NLRP11: variants seen among roughly 807,000 people sequenced by gnomAD.
NLRP11 encodes the protein NLR family pyrin domain containing 11.
A neutral mutation model predicts 79.3 loss-of-function variants in NLRP11; 53 were observed. The ratio of observed to expected loss-of-function variants is 0.67; its 90% CI spans 0.54 to 0.84. NLRP11 has a LOEUF of 0.84. Among genes scored for constraint, NLRP11 ranks in the 40% least tolerant of loss-of-function variants. The probability of loss-of-function intolerance (pLI) is 0.00; values close to 1 mark genes in which losing one functional copy is unlikely to be tolerated. For synonymous variants in NLRP11, 518 were observed against 462.6 expected, an observed-to-expected ratio of 1.12 and a Z score of -1.54; for missense variants, 1,264 against 1,255.0, an observed-to-expected ratio of 1.01 and a Z score of -0.11.
chr19:55,792,151 T>C, intron 7 of NLRP11, 150 bp downstream of exon 7: 2 of 659,834 alleles, frequency 3.0e-6, no homozygotes, highest in South Asian at 3.8e-5. Flanking sequence ...CTTACCGTGC[T>C]TTCATGTCGC....
chr19:55,796,923 A>G (rs1219612948), intron 5 of NLRP11, among the ~76,000 whole-genome samples: 1 of 152,120 alleles, frequency 6.6e-6, no homozygotes, highest in Non-Finnish European at 1.5e-5. Context: ...TCCCGGCCTC[A>G]GGGGATCCAC....
At chr19:55,802,962 T>C (rs1249448740) in intron 4 of NLRP11, among the ~76,000 whole-genome samples, 4 of 152,206 alleles carry the variant, frequency 2.6e-5, no homozygotes, top group Non-Finnish European at 5.9e-5. Flanking sequence ...TGGCTAGTCA[T>C]ATGCAGAAGA....
chr19:55,821,217 A>T (rs1181231167), intron 1 of NLRP11, among the ~76,000 whole-genome samples: 4 of 99,298 alleles, frequency 4.0e-5, no homozygotes, highest in African/African-American at 3.0e-4. Flanking sequence ...ACACACACAC[A>T]CACACACACA....
chr19:55,834,374 C>A (rs542103939), upstream of NLRP11, among the ~76,000 whole-genome samples: 2 of 152,262 alleles, frequency 1.3e-5, no homozygotes, highest in East Asian at 3.9e-4. Context: ...ACAAATGGCT[C>A]ACAAACATGA....
chr19:55,809,597 A>T lies in NLRP11; in HGVS notation c.1013T>A (p.Val338Asp). 1 of 1,614,106 alleles carries T rather than the reference A, an allele frequency of 6.2e-7. No individual in the cohort carries two copies. Among genetic ancestry groups the T allele is most frequent in the Non-Finnish European group, 8.5e-7 (1 of 1,180,012 alleles). ...ACACGTGATCCAGCATAAGATGGCGACTCGGCACAGACCCACGAGTATTTC... is the reference window on the plus strand; with the variant it reads ...ACACGTGATCCAGCATAAGATGGCGTCTCGGCACAGACCCACGAGTATTTC... The change falls in exon 3 of 10, where the codon GTC becomes GAC. Residue 338 changes from valine (V) to aspartate (D), a missense_variant. Val to Asp is a radical substitution (Grantham distance 152). Coordinates refer to ENST00000589093, the Ensembl canonical transcript of NLRP11. The surrounding 1 kb of genome is among the most constrained non-coding windows in gnomAD (Gnocchi z 4.5).
At chr19:55,827,327 G>A (rs1359063063) in intron 1 of NLRP11, among the ~76,000 whole-genome samples, 1 of 145,262 alleles carries the variant, frequency 6.9e-6, no homozygotes, top group Non-Finnish European at 1.5e-5. Flanking sequence ...AGAAAACCTA[G>A]GCATGACCAT....
At chr19:55,804,978 G>A (rs543969191) in intron 4 of NLRP11, among the ~76,000 whole-genome samples, 2 of 149,750 alleles carry the variant, frequency 1.3e-5, no homozygotes, top group African/African-American at 4.9e-5. Context: ...CAGAAGAATC[G>A]CTTGAACCCT....
chr19:55,831,826 T>C (rs895722473), intron 1 of NLRP11, 137 bp downstream of exon 1: 1 of 151,532 alleles, frequency 6.6e-6, no homozygotes, highest in Admixed American at 6.6e-5. Flanking sequence ...GGCCTGCCCT[T>C]AGGAACTTTA....
rs75379949 is a variant in NLRP11 at position 55,811,401 on chromosome 19, G to A, written c.272-1063C>T. Among the ~76,000 whole-genome samples the A allele has an allele frequency of 2.6e-3, 394 of 152,310 alleles. 4 individuals carry two copies. Among genetic ancestry groups the A allele is most frequent in the African/African-American group, 9.1e-3 (377 of 41,562 alleles). On this transcript the variant is annotated intron_variant, in intron 2 of 9. Transcript: ENST00000589093. The stretch of plus-strand genomic sequence containing the variant: ...TGAAAATGTTTTTATCCCTGGGTAA[G>A]GGCAGGCAAAAGAGGGAGCCTGGCA...
At chr19:55,815,528 CA>C (rs11343133) in intron 2 of NLRP11, among the ~76,000 whole-genome samples, 17,324 of 92,552 alleles carry the variant, frequency 0.19, 911 homozygotes, top group Middle Eastern at 0.24. Context: ...GACTCCATCT[CA>C]AAAAAAAAAA....
intron 2 of NLRP11, among the ~76,000 whole-genome samples, chr19:55,814,543 TAAGAA>T (rs1980902664): frequency 6.6e-6 from 1 of 150,450 alleles, no homozygotes; most frequent in African/African-American, 2.5e-5. Context: ...TTGAGCTAGA[TAAGAA>T]AAGAGAAGTG....
intron 1 of NLRP11, among the ~76,000 whole-genome samples, chr19:55,820,243 G>T (rs140674892): frequency 6.6e-6 from 1 of 152,146 alleles, no homozygotes. Context: ...AAGTCACTGA[G>T]TTTCAGAAGG....
rs1287315396 is a variant in NLRP11, at chr19:55,809,033, A to G, written c.1577T>C (p.Val526Ala). The stretch of plus-strand genomic sequence containing the variant: ...ACGGTCCAAATGTTTCATGTATCCC[A>G]CCGAGTACCACTTGAAGCTGTCTAC... Residue 526 changes from valine to alanine, a missense_variant, in exon 3 of 10, where the codon GTG becomes GCG. By Grantham distance (64) the Val-to-Ala change is moderately conservative. Transcript: ENST00000589093. The surrounding 1 kb of genome is among the most constrained non-coding windows in gnomAD (Gnocchi z 4.5). 6.2e-7 allele frequency: 1 copy of G among 1,613,988 alleles called. No individual in the cohort carries two copies. The highest frequency in any genetic ancestry group is 8.5e-7 in the Non-Finnish European group (1 of 1,180,028).
At chr19:55,821,561 T>C (rs901838194) in intron 1 of NLRP11, among the ~76,000 whole-genome samples, 10 of 152,192 alleles carry the variant, frequency 6.6e-5, no homozygotes, top group African/African-American at 2.4e-4. Context: ...CCTCACAACA[T>C]TGAATGACGT....
rs563240919 is a variant in NLRP11 at position 55,812,182 on chromosome 19, A to T, written c.272-1844T>A. On this transcript the variant is annotated intron_variant, in intron 2 of 9. Transcript: ENST00000589093. The stretch of plus-strand genomic sequence containing the variant: ...ACCCAGCTTTTGGAATTAGGAGGTA[A>T]TTTTATAATAAGTTTCATATTATGC... 3.9e-5 allele frequency among the ~76,000 whole-genome samples: 6 copies of T among 152,332 alleles called. No homozygotes were observed. The South Asian group carries it at 1.2e-3, about 32-fold the overall frequency.
chr19:55,819,128 C>CAG (rs201373825), intron 1 of NLRP11, among the ~76,000 whole-genome samples: 277 of 5,348 alleles, frequency 0.052, 1 homozygote, highest in East Asian at 0.19. Context: ...GTATCGCCTA[C>CAG]ACACACACAC....
rs553682032 is a variant in NLRP11 at position 55,798,322 on chromosome 19, G to A, written c.2172-2072C>T. 1.3e-5 allele frequency: 13 copies of A among 985,138 alleles called. No homozygotes were observed. The East Asian group carries it at 1.5e-3, about 112-fold the overall frequency. 61.0% of individuals were successfully genotyped at this position (985,138 alleles called of 1,614,324 possible). A position where few individuals can be genotyped will look rare whatever the true frequency, so the allele number is the denominator to read the frequency against. On this transcript the variant is annotated intron_variant, in intron 5 of 9. Transcript: ENST00000589093. ...TGTGTATTCTATTTGGAATGAAAGT[G>A]AAAGCCGTTGAGGGCCTGAAGATTA... is the stretch of plus-strand genomic sequence containing the variant.
chr19:55,787,086 G>A (rs1386114974), intron 9 of NLRP11, among the ~76,000 whole-genome samples: 2 of 152,126 alleles, frequency 1.3e-5, no homozygotes, highest in Admixed American at 6.5e-5. Context: ...GAAATGAGTT[G>A]CCCCTCCTGT....
intron 4 of NLRP11, among the ~76,000 whole-genome samples, chr19:55,803,781 T>A (rs1250276922): frequency 6.6e-6 from 1 of 151,908 alleles, no homozygotes; most frequent in African/African-American, 2.4e-5. Flanking sequence ...GGCTACGATT[T>A]AAGAATCAAA....
Sources: allele counts gnomAD v4.1 joint callset (sites outside exome capture counted in the v4.1 genomes callset), GRCh38; gene constraint gnomAD v4.1.1; non-coding constraint Gnocchi (gnomAD v3.1); transcripts MANE v1.5; gene names NCBI Gene and HGNC (gene_info 2026-07-23, HGNC 2026-07-21).